Variants in BHMT observed in about 807,000 individuals in gnomAD.
The protein encoded by BHMT is betaine--homocysteine S-methyltransferase.
A neutral mutation model predicts 49.5 loss-of-function variants in BHMT; 38 were observed. That is an observed-to-expected ratio of 0.77 (90% CI 0.59 to 1.01). The LOEUF (loss-of-function observed/expected upper bound fraction) is 1.01, where lower values mean the gene tolerates loss of function less well. BHMT is among the 50% of genes least tolerant of loss of function. The probability of loss-of-function intolerance (pLI) is 0.00; values close to 1 mark genes in which losing one functional copy is unlikely to be tolerated. For missense variants in BHMT, 426 were observed against 495.7 expected (o/e 0.86, Z 1.34); for synonymous variants, 166 against 176.3 (o/e 0.94, Z 0.46).
At position 79,111,811 on chromosome 5, in the gene BHMT, C is replaced by G; in HGVS notation, c.-75C>G. ...GAGGCAGGCTGCGGACTCGGAGCAG[C>G]TCGGGGCTGCGCAGCGGGAAGGCTC... On this transcript the variant is annotated 5_prime_UTR_variant, in exon 1 of 8. Coordinates refer to ENST00000274353, the MANE Select transcript of BHMT (RefSeq NM_001713.3). 1 of 1,591,818 alleles carries G rather than the reference C, an allele frequency of 6.3e-7. No individual in the cohort carries two copies. Among genetic ancestry groups the G allele is most frequent in the Non-Finnish European group, 8.6e-7 (1 of 1,167,726 alleles).
intron 3 of BHMT, 22 bp downstream of exon 3, chr5:79,119,399 A>G (rs1561253217): frequency 6.4e-7 from 1 of 1,571,760 alleles, no homozygotes; most frequent in Non-Finnish European, 8.7e-7. Context: ...CAGCCGTGGG[A>G]CTTTTAGAAG....
intron 1 of BHMT, among the ~76,000 whole-genome samples, chr5:79,113,465 C>T (rs916913264): frequency 5.9e-5 from 9 of 152,126 alleles, no homozygotes; most frequent in Non-Finnish European, 5.9e-5. Context: ...AACTTGTTTC[C>T]GTGCATATGT....
chr5:79,118,493 CAAACAAACTTTGCCATTTGGT>C (rs1471283528), intron 2 of BHMT, among the ~76,000 whole-genome samples: 3 of 152,070 alleles, frequency 2.0e-5, no homozygotes, highest in Non-Finnish European at 4.4e-5. Flanking sequence ...AACAAACAAA[CAAACAAACTTTGCCATTTGGT>C]ATTCATCCAT....
intron 4 of BHMT, 97 bp downstream of exon 4, chr5:79,120,638 A>G (rs1232901888): frequency 2.8e-6 from 3 of 1,078,082 alleles, no homozygotes; most frequent in Non-Finnish European, 3.8e-6. Context: ...GGTGACAATC[A>G]TAACTAGCAA....
At chr5:79,126,328 A>G in intron 6 of BHMT, 100 bp downstream of exon 6, 1 of 1,384,332 alleles carries the variant, frequency 7.2e-7, no homozygotes, top group Admixed American at 2.1e-5. Flanking sequence ...TAGTGAAGAG[A>G]TGGCTTGGTG....
chr5:79,126,323 A>G lies in BHMT; in HGVS notation c.808+95A>G. 2.1e-6 allele frequency: 3 copies of G among 1,417,024 alleles called. No homozygotes were observed. In the South Asian group the frequency reaches 3.8e-5, roughly 18 times the overall value. 87.8% of individuals were successfully genotyped at this position (1,417,024 alleles called of 1,614,324 possible). On this transcript the variant is annotated intron_variant, in intron 6 of 7. Coordinates refer to ENST00000274353, the MANE Select transcript of BHMT (RefSeq NM_001713.3). ...TACCCAGAGATCTTTTGTCATAGTG[A>G]AGAGATGGCTTGGTGTCTCCTCATG...
Position 79,131,216 on chromosome 5 carries a change from A to G in BHMT, c.*100A>G, listed in dbSNP as rs1580277064. The G allele has an allele frequency of 2.7e-6, 3 of 1,103,266 alleles. No individual in the cohort carries two copies. Among genetic ancestry groups the G allele is most frequent in the East Asian group, 2.5e-5 (1 of 40,058 alleles). The allele number at this position is 1,103,266 out of a possible 1,614,324, so 68.3% of individuals were successfully genotyped here. On this transcript the variant is annotated 3_prime_UTR_variant, in exon 8 of 8. Coordinates refer to ENST00000274353, the MANE Select transcript of BHMT (RefSeq NM_001713.3). ...AAAAAGCAGTGCTTTCATGAATGCC[A>G]TCCTACACATATTATTGCTATTACC... is the stretch of plus-strand genomic sequence containing the variant.
At position 79,116,030 on chromosome 5, in the gene BHMT, C is replaced by A; in HGVS notation, c.166+131C>A. 5.1e-6 allele frequency: 6 copies of A among 1,166,476 alleles called. No homozygotes were observed. In the South Asian group the frequency reaches 1.3e-4, roughly 26 times the overall value. The allele number at this position is 1,166,476 out of a possible 1,614,324, so 72.3% of individuals were successfully genotyped here. A position where few individuals can be genotyped will look rare whatever the true frequency, so the allele number is the denominator to read the frequency against. On this transcript the variant is annotated intron_variant, in intron 2 of 7. Transcript: ENST00000274353. ...CCCAGGAGTTCAAGACCAGCCTGGG[C>A]ACATAGGGAGACCTAGTCTCTCAGA...
Position 79,121,335 on chromosome 5 carries a change from G to A in BHMT, c.595G>A (p.Gly199Ser), listed in dbSNP as rs59866108. Residue 199 changes from glycine (G) to serine (S), a missense_variant, in exon 5 of 8, where the codon GGC becomes AGC. Around this residue, in one of 3 missense-constraint regions of BHMT, gnomAD observed 321 missense variants for 355.9 expected, o/e 0.90. Coordinates refer to ENST00000274353, the MANE Select transcript of BHMT (RefSeq NM_001713.3). Reference protein sequence around the residue: ...PEGDLHGVPPGECAVRLVKAG... With the variant: ...PEGDLHGVPPSECAVRLVKAG... ...AGGAGATTTGCATGGCGTGCCCCCC[G>A]GCGAGTGTGCAGTGCGCCTGGTGAA... 12,097 of 1,614,174 alleles carry A rather than the reference G, an allele frequency of 7.5e-3. 67 individuals are homozygous for A. The highest frequency in any genetic ancestry group is 9.2e-3 in the Non-Finnish European group (10,864 of 1,179,998).
At chr5:79,119,780 C>A (rs1464223789) in intron 3 of BHMT, among the ~76,000 whole-genome samples, 1 of 152,152 alleles carries the variant, frequency 6.6e-6, no homozygotes, top group African/African-American at 2.4e-5. Flanking sequence ...GTTGAACCAA[C>A]CCCTTTACCC....
At chr5:79,112,660 T>A (rs1756321309) in intron 1 of BHMT, among the ~76,000 whole-genome samples, 1 of 152,354 alleles carries the variant, frequency 6.6e-6, no homozygotes, top group Non-Finnish European at 1.5e-5. Flanking sequence ...GCAGAGTGGC[T>A]GTAAGATACT....
chr5:79,129,377 C>T (rs113795143), intron 7 of BHMT, among the ~76,000 whole-genome samples: 6 of 152,278 alleles, frequency 3.9e-5, no homozygotes, highest in African/African-American at 1.4e-4. Flanking sequence ...AGAGGAATTA[C>T]ATTGCTAGAG....
At chr5:79,117,601 C>T (rs934648676) in intron 2 of BHMT, among the ~76,000 whole-genome samples, 14 of 152,076 alleles carry the variant, frequency 9.2e-5, no homozygotes, top group African/African-American at 3.1e-4. Context: ...AAAACAAAAA[C>T]CAAGGTTTCT....
At chr5:79,127,434 G>A (rs1437092794) in intron 6 of BHMT, among the ~76,000 whole-genome samples, 1 of 152,046 alleles carries the variant, frequency 6.6e-6, no homozygotes, top group Non-Finnish European at 1.5e-5. Flanking sequence ...ATGATGTTTT[G>A]TATAGCCTAG....
chr5:79,121,887 T>C (rs985125335), intron 5 of BHMT, among the ~76,000 whole-genome samples: 3 of 151,834 alleles, frequency 2.0e-5, no homozygotes, highest in Non-Finnish European at 2.9e-5. Context: ...TAGGGTTCTG[T>C]GGTTAAATAC....
intron 7 of BHMT, among the ~76,000 whole-genome samples, chr5:79,128,568 C>T (rs972802210): frequency 2.0e-5 from 3 of 147,198 alleles, no homozygotes; most frequent in Non-Finnish European, 3.0e-5. Flanking sequence ...TGTAAATAAA[C>T]GTAAGTGGCA....
intron 3 of BHMT, chr5:79,119,666 G>A (rs996171236): frequency 3.9e-5 from 10 of 255,322 alleles, no homozygotes; most frequent in East Asian, 1.8e-4. Context: ...AAATTCTTTC[G>A]TCCTTAATGT....
intron 7 of BHMT, 63 bp downstream of exon 7, chr5:79,128,046 T>G (rs1423814022): frequency 5.2e-6 from 8 of 1,526,598 alleles, no homozygotes; most frequent in Non-Finnish European, 6.2e-6. Flanking sequence ...TGAGGCCATT[T>G]AGAAGACTGC....
At position 79,120,387 on chromosome 5, in the gene BHMT, G is replaced by A. The variant is rs111297335; in HGVS notation, c.323G>A (p.Arg108Gln). 74 of 1,613,540 alleles carry A rather than the reference G, an allele frequency of 4.6e-5. 3 individuals are homozygous for A. Among genetic ancestry groups the A allele is most frequent in the African/African-American group, 4.3e-4 (32 of 75,008 alleles). ...AATGAAGCTGCTTGCGACATCGCCC[G>A]ACAAGTGGCTGATGAAGGAGATGCT... ...EVNEAACDIA[R>Q]QVADEGDALV... The change falls in exon 4 of 8, where the codon CGA (arginine) becomes CAA (glutamine). Residue 108 changes from arginine to glutamine, a missense_variant. Physicochemically the swap from Arg to Gln is conservative, Grantham distance 43 (BLOSUM62 1). Coordinates refer to ENST00000274353, the MANE Select transcript of BHMT (RefSeq NM_001713.3).
Sources: allele counts gnomAD v4.1 joint callset (sites outside exome capture counted in the v4.1 genomes callset), GRCh38; gene constraint gnomAD v4.1.1; regional missense constraint gnomAD v4.1.1; transcripts MANE v1.5; gene names NCBI Gene and HGNC (gene_info 2026-07-23, HGNC 2026-07-21).